Variants in TRPM3 observed in about 807,000 individuals in gnomAD.
TRPM3 encodes the protein transient receptor potential cation channel subfamily M member 3, also known as long transient receptor potential channel 3.
TRPM3 carries 77 observed loss-of-function variants against 181.2 expected under a neutral mutation model. The ratio of observed to expected loss-of-function variants is 0.42; its 90% CI spans 0.35 to 0.51. The LOEUF (loss-of-function observed/expected upper bound fraction) is 0.51. Ranked by LOEUF, TRPM3 falls within the 20% of genes least tolerant of loss-of-function variation. The pLI is 0.01. For missense variants in TRPM3, 1,759 were observed against 2,196.7 expected, an observed-to-expected ratio of 0.80 and a Z score of 3.98; for synonymous variants, 745 against 796.4, an observed-to-expected ratio of 0.94 and a Z score of 1.09.
intron 1 of TRPM3, among the ~76,000 whole-genome samples, chr9:70,969,570 G>T (rs2097218299): frequency 6.9e-6 from 1 of 145,066 alleles, no homozygotes; most frequent in African/African-American, 2.9e-5. Flanking sequence ...ATCTCAAAGA[G>T]TTTAACTTCT....
intron 8 of TRPM3, among the ~76,000 whole-genome samples, chr9:70,739,334 C>A (rs573683402): frequency 1.3e-5 from 2 of 152,088 alleles, no homozygotes; most frequent in African/African-American, 2.4e-5. Flanking sequence ...ATATGCAAGT[C>A]GATAAATGTG....
intron 1 of TRPM3, among the ~76,000 whole-genome samples, chr9:70,882,454 AC>A (rs2096010457): frequency 6.6e-6 from 1 of 152,016 alleles, no homozygotes; most frequent in African/African-American, 2.4e-5. Context: ...TTGTTAGAAT[AC>A]CCACAAAACT....
Position 71,386,380 on chromosome 9 carries a change from T to C in TRPM3, c.183+60273A>G, listed in dbSNP as rs1171382124. ...AAGGGAATCACTTGAACCCGAGAAGTGGAGGTTGCAATGAGCTGAGATTGC... is the reference window on the plus strand; with the variant it reads ...AAGGGAATCACTTGAACCCGAGAAGCGGAGGTTGCAATGAGCTGAGATTGC... On this transcript the variant is annotated intron_variant, in intron 1 of 24. Transcript: ENST00000357533. Among the ~76,000 whole-genome samples, 4 of 147,902 alleles carry C rather than the reference T, an allele frequency of 2.7e-5. No individual in the cohort carries two copies. In the South Asian group the frequency reaches 6.6e-4, roughly 24 times the overall value.
intron 1 of TRPM3, among the ~76,000 whole-genome samples, chr9:71,342,256 G>GTATATATA (rs34481193): frequency 7.0e-6 from 1 of 142,216 alleles, no homozygotes; most frequent in East Asian, 2.1e-4. Flanking sequence ...TTAAATAGGT[G>GTATATATA]TATATATATA....
intron 1 of TRPM3, among the ~76,000 whole-genome samples, chr9:71,371,349 C>A (rs2092506580): frequency 6.6e-6 from 1 of 152,104 alleles, no homozygotes; most frequent in Admixed American, 6.6e-5. Context: ...CTAGATGCCA[C>A]TAAGAACATT....
At chr9:70,967,084 CT>C (rs1490054613) in intron 1 of TRPM3, among the ~76,000 whole-genome samples, 2 of 151,812 alleles carry the variant, frequency 1.3e-5, no homozygotes, top group Non-Finnish European at 3.0e-5. Flanking sequence ...TCTTCTGGAA[CT>C]TCTGGAACTC....
chr9:71,361,755 C>T (rs1245720291), intron 1 of TRPM3, among the ~76,000 whole-genome samples: 7 of 152,156 alleles, frequency 4.6e-5, no homozygotes, highest in Admixed American at 4.6e-4. Flanking sequence ...TATGAAATTG[C>T]TCTAAACTTT....
At chr9:71,002,330 T>C (rs2097614198) in intron 1 of TRPM3, among the ~76,000 whole-genome samples, 1 of 152,226 alleles carries the variant, frequency 6.6e-6, no homozygotes, top group Non-Finnish European at 1.5e-5. Context: ...TAGAAACACT[T>C]CTTTAAATCG....
chr9:71,372,260 G>A (rs914845453), intron 1 of TRPM3, among the ~76,000 whole-genome samples: 2 of 152,050 alleles, frequency 1.3e-5, no homozygotes. Flanking sequence ...CTGATTCCAT[G>A]ACTTTGCTAT....
At chr9:70,878,613 C>T (rs2095917247) in intron 1 of TRPM3, among the ~76,000 whole-genome samples, 1 of 152,028 alleles carries the variant, frequency 6.6e-6, no homozygotes, top group African/African-American at 2.4e-5. Context: ...TTATAACATG[C>T]CATAAAATCG....
chr9:70,620,873 A>G (rs2063511858), intron 15 of TRPM3, among the ~76,000 whole-genome samples: 1 of 151,784 alleles, frequency 6.6e-6, no homozygotes, highest in African/African-American at 2.4e-5. Context: ...TCATGAATAG[A>G]TTTTGATTAC....
chr9:71,131,629 A>G (rs2074381535), intron 1 of TRPM3, among the ~76,000 whole-genome samples: 1 of 152,132 alleles, frequency 6.6e-6, no homozygotes. Flanking sequence ...TTGCTTGTCT[A>G]TAAACTGATT....
chr9:70,646,372 T>C (rs1160555070), intron 9 of TRPM3, among the ~76,000 whole-genome samples: 2 of 152,218 alleles, frequency 1.3e-5, no homozygotes, highest in Non-Finnish European at 2.9e-5. Flanking sequence ...ATATACACTA[T>C]GGAATACTAT....
chr9:70,679,565 CGT>C (rs2064899407), intron 9 of TRPM3, among the ~76,000 whole-genome samples: 1 of 152,112 alleles, frequency 6.6e-6, no homozygotes, highest in Non-Finnish European at 1.5e-5. Flanking sequence ...GAAAGGGATG[CGT>C]TTTTTATCTC....
At chr9:71,334,558 T>C (rs1388449554) in intron 1 of TRPM3, among the ~76,000 whole-genome samples, 2 of 152,104 alleles carry the variant, frequency 1.3e-5, no homozygotes, top group Admixed American at 1.3e-4. Context: ...CAACATTTCA[T>C]CTATCATTTC....
At chr9:71,413,992 C>T (rs767461859) in intron 1 of TRPM3, among the ~76,000 whole-genome samples, 1 of 151,930 alleles carries the variant, frequency 6.6e-6, no homozygotes, top group African/African-American at 2.4e-5. Context: ...AATGGCTTCC[C>T]AAGCATGACT....
chr9:70,553,364 A>G, intron 22 of TRPM3, 54 bp from the exon 23 acceptor site: 1 of 1,590,724 alleles, frequency 6.3e-7, no homozygotes, highest in Non-Finnish European at 8.6e-7. Context: ...GAGTTAGAAA[A>G]AAAATAAAAA....
At chr9:71,182,799 T>C (rs888294833) in intron 1 of TRPM3, among the ~76,000 whole-genome samples, 2 of 151,996 alleles carry the variant, frequency 1.3e-5, no homozygotes, top group Non-Finnish European at 2.9e-5. Context: ...GTAGCTGGGA[T>C]TACAGGCACG....
At chr9:71,329,606 T>C (rs1382783662) in intron 1 of TRPM3, among the ~76,000 whole-genome samples, 1 of 152,216 alleles carries the variant, frequency 6.6e-6, no homozygotes, top group Non-Finnish European at 1.5e-5. Flanking sequence ...TGAAAACCAC[T>C]GTCATGAGTA....
Sources: gnomAD v4.1 joint callset for allele counts (sites outside exome capture counted in the v4.1 genomes callset) on GRCh38, gnomAD v4.1.1 for gene constraint, MANE v1.5 for transcripts, NCBI Gene and HGNC (gene_info 2026-07-23, HGNC 2026-07-21) for gene names.